Variants in NAV2 observed in about 807,000 individuals in gnomAD.
NAV2 encodes helicase, APC down-regulated 1.
NAV2 carries 54 observed loss-of-function variants against 223.2 expected under a neutral mutation model. The ratio of observed to expected loss-of-function variants is 0.24; its 90% CI spans 0.19 to 0.30. NAV2 has a LOEUF of 0.30. NAV2 is among the 10% of genes least tolerant of loss of function. NAV2 has a pLI of 1.00. For missense variants in NAV2, 2,806 were observed against 3,147.5 expected (o/e 0.89, Z 2.60); for synonymous variants, 1,279 against 1,239.3 (o/e 1.03, Z -0.67).
At chr11:19,881,345 T>G (rs1318595926) in intron 5 of NAV2, among the ~76,000 whole-genome samples, 2 of 152,152 alleles carry the variant, frequency 1.3e-5, no homozygotes, top group Non-Finnish European at 2.9e-5. Context: ...TTATCAGCCA[T>G]TTGCCAAACC....
chr11:19,836,146 T>C (rs2060216350), intron 2 of NAV2, among the ~76,000 whole-genome samples: 1 of 152,100 alleles, frequency 6.6e-6, no homozygotes, highest in South Asian at 2.1e-4. Flanking sequence ...CCCGAATGTT[T>C]CCCCTTCTCA....
chr11:19,465,358 G>A (rs1238441435), intron 1 of NAV2, among the ~76,000 whole-genome samples: 1 of 152,122 alleles, frequency 6.6e-6, no homozygotes, highest in Non-Finnish European at 1.5e-5. Flanking sequence ...CATATCTACA[G>A]GTAGAGTCGA....
chr11:20,104,960 C>T (rs2061917245), intron 34 of NAV2: 1 of 152,590 alleles, frequency 6.6e-6, no homozygotes, highest in African/African-American at 2.4e-5. Flanking sequence ...CTGCTCCTGC[C>T]TTTCCTTATG....
intron 1 of NAV2, among the ~76,000 whole-genome samples, chr11:19,679,728 C>T (rs898811346): frequency 1.4e-4 from 22 of 152,180 alleles, no homozygotes; most frequent in Admixed American, 2.6e-4. Context: ...TCCTTTTTGG[C>T]GGTTCTTGTT....
chr11:19,677,942 G>T, intron 1 of NAV2, among the ~76,000 whole-genome samples: 1 of 152,226 alleles, frequency 6.6e-6, no homozygotes, highest in Admixed American at 6.5e-5. Context: ...CTAACCCACT[G>T]AGGTTTTTCC....
chr11:19,399,307 G>A (rs1223814309), intron 1 of NAV2, among the ~76,000 whole-genome samples: 2 of 152,204 alleles, frequency 1.3e-5, no homozygotes, highest in Non-Finnish European at 2.9e-5. Context: ...AACCTGGAGA[G>A]TCAGCAGCTC....
chr11:19,966,461 C>A (rs770884104), intron 10 of NAV2, among the ~76,000 whole-genome samples: 13 of 152,164 alleles, frequency 8.5e-5, no homozygotes, highest in Non-Finnish European at 5.9e-5. Context: ...AAATGATCAA[C>A]TTGCCTAGCC....
At chr11:19,520,586 C>T (rs2043617925) in intron 1 of NAV2, among the ~76,000 whole-genome samples, 1 of 152,224 alleles carries the variant, frequency 6.6e-6, no homozygotes, top group Admixed American at 6.5e-5. Flanking sequence ...ATGCTGTTCC[C>T]CCTTTCCCTC....
chr11:19,605,950 A>C (rs533108189), intron 1 of NAV2, among the ~76,000 whole-genome samples: 3 of 152,326 alleles, frequency 2.0e-5, no homozygotes, highest in African/African-American at 7.2e-5. Context: ...TTACTCCAAG[A>C]AATCCAGGGG....
intron 1 of NAV2, among the ~76,000 whole-genome samples, chr11:19,365,017 C>T (rs769254185): frequency 3.3e-5 from 5 of 152,148 alleles, no homozygotes; most frequent in Non-Finnish European, 7.3e-5. Context: ...AAGAAATTCA[C>T]CTCCTTTTGG....
At chr11:20,113,609 A>C (rs560669229) in intron 36 of NAV2, among the ~76,000 whole-genome samples, 1 of 152,312 alleles carries the variant, frequency 6.6e-6, no homozygotes, top group East Asian at 1.9e-4. Flanking sequence ...TCATAATTTC[A>C]CTGCCTATGT....
At chr11:19,619,729 T>C (rs897534627) in intron 1 of NAV2, among the ~76,000 whole-genome samples, 50 of 152,320 alleles carry the variant, frequency 3.3e-4, no homozygotes, top group Non-Finnish European at 3.7e-4. Context: ...ACTCTGATGG[T>C]AGTTTCTTTT....
At chr11:19,736,986 A>G (rs1222385286) in intron 1 of NAV2, among the ~76,000 whole-genome samples, 2 of 152,230 alleles carry the variant, frequency 1.3e-5, no homozygotes, top group African/African-American at 2.4e-5. Context: ...GTCTCACACA[A>G]TCTCATGAAA....
intron 11 of NAV2, among the ~76,000 whole-genome samples, chr11:19,997,061 G>A (rs1438242152): frequency 2.0e-5 from 3 of 152,162 alleles, no homozygotes; most frequent in Non-Finnish European, 4.4e-5. Context: ...ATTCTCCCTG[G>A]CCGCTTATTT....
At chr11:19,681,143 T>A (rs2064005313) in intron 1 of NAV2, among the ~76,000 whole-genome samples, 1 of 152,234 alleles carries the variant, frequency 6.6e-6, no homozygotes, top group South Asian at 2.1e-4. Context: ...AGCCAGGGGT[T>A]GAACTGAAAT....
At chr11:20,078,181 A>C in intron 24 of NAV2, 77 bp downstream of exon 24, 1 of 994,752 alleles carries the variant, frequency 1.0e-6, no homozygotes, top group Non-Finnish European at 1.5e-6. Flanking sequence ...ATATGATGCA[A>C]CCTCCTTGCT....
At chr11:19,765,372 C>CTCTTCTTTCCTT (rs2055119998) in intron 1 of NAV2, among the ~76,000 whole-genome samples, 1 of 107,562 alleles carries the variant, frequency 9.3e-6, no homozygotes, top group Non-Finnish European at 1.9e-5. Context: ...TCCTCATCTT[C>CTCTTCTTTCCTT]CCTTCTTTCC....
chr11:19,869,968 A>G (rs1366335435), intron 4 of NAV2, among the ~76,000 whole-genome samples: 2 of 152,048 alleles, frequency 1.3e-5, no homozygotes, highest in Admixed American at 6.5e-5. Flanking sequence ...TGCGTTTCTG[A>G]GTGGTAGTCT....
At chr11:19,616,504 G>A (rs982533486) in intron 1 of NAV2, among the ~76,000 whole-genome samples, 8 of 152,026 alleles carry the variant, frequency 5.3e-5, no homozygotes, top group Non-Finnish European at 8.8e-5. Context: ...CTTTGCTCCC[G>A]CGGAGCAGGG....
Sources: allele counts gnomAD v4.1 joint callset (sites outside exome capture counted in the v4.1 genomes callset), GRCh38; gene constraint gnomAD v4.1.1; transcripts MANE v1.5; gene names NCBI Gene and HGNC (gene_info 2026-07-23, HGNC 2026-07-21).